SLC9B2: variants seen among roughly 807,000 people sequenced by gnomAD.
The protein encoded by SLC9B2 is sodium/hydrogen exchanger 9B2.
SLC9B2 carries 39 observed loss-of-function variants against 52.2 expected under a neutral mutation model. That is an observed-to-expected ratio of 0.75 (90% CI 0.58 to 0.98). The LOEUF is 0.98. SLC9B2 is among the 50% of genes least tolerant of loss of function. The pLI, the probability that SLC9B2 is intolerant of heterozygous loss-of-function variation, is 0.00. For synonymous variants in SLC9B2, 214 were observed against 227.0 expected (o/e 0.94, Z 0.51); for missense variants, 626 against 637.5 (o/e 0.98, Z 0.19).
Position 103,055,571 on chromosome 4 carries a change from TTAAC to T in SLC9B2, c.442+2226_442+2229del, listed in dbSNP as rs540969263. ...ATTCTACTTCTTTTTATATTTAACT[TTAAC>T]TACTGACCACAAGTTCAAAAGCAGA... On this transcript the variant is annotated intron_variant, in intron 4 of 11. Transcript: ENST00000394785. Among the ~76,000 whole-genome samples the T allele has an allele frequency of 4.4e-3, 670 of 152,178 alleles. 3 individuals are homozygous for T. Among genetic ancestry groups the T allele is most frequent in the African/African-American group, 0.015 (609 of 41,526 alleles).
intron 9 of SLC9B2, among the ~76,000 whole-genome samples, chr4:103,039,223 A>C (rs780561620): frequency 9.5e-4 from 145 of 152,322 alleles, no homozygotes; most frequent in Non-Finnish European, 2.0e-3. Flanking sequence ...TCTTAGTATG[A>C]TATCATGCTG....
Position 103,031,637 on chromosome 4 carries a change from T to C in SLC9B2, c.1255+63A>G. 3 of 1,212,360 alleles carry C rather than the reference T, an allele frequency of 2.5e-6. No homozygotes were observed. The East Asian group carries it at 7.1e-5, about 29-fold the overall frequency. 75.1% of individuals were successfully genotyped at this position (1,212,360 alleles called of 1,614,324 possible). On this transcript the variant is annotated intron_variant, in intron 10 of 11. Transcript: ENST00000394785. Reference sequence around the variant, plus strand: ...TTCAATGAATATAAAAAGTAGACTTTATTGGTGAGTAGGCTGACCAAAAAA... The same window carrying C: ...TTCAATGAATATAAAAAGTAGACTTCATTGGTGAGTAGGCTGACCAAAAAA...
chr4:103,048,134 A>G (rs773551638), intron 6 of SLC9B2, among the ~76,000 whole-genome samples: 12 of 152,210 alleles, frequency 7.9e-5, no homozygotes, highest in Admixed American at 2.0e-4. Flanking sequence ...TCACATTGAT[A>G]CCAGTAACAA....
In SLC9B2 at chr4:103,025,217, T is replaced by C. The variant is rs1025049952; in HGVS notation, c.*1153A>G. On this transcript the variant is annotated 3_prime_UTR_variant, in exon 12 of 12. Transcript: ENST00000394785. ...CTATACTTGCATTTTCCTTGAGAGA[T>C]AGAATGGAGATATGGTAGAGATCCA... Among the ~76,000 whole-genome samples the C allele has an allele frequency of 2.0e-5, 3 of 152,188 alleles. No homozygotes were observed. Among genetic ancestry groups the C allele is most frequent in the East Asian group, 1.9e-4 (1 of 5,198 alleles).
chr4:103,043,232 T>C, intron 9 of SLC9B2, 64 bp downstream of exon 9: 1 of 1,469,338 alleles, frequency 6.8e-7, no homozygotes. Context: ...AGAAAGTATC[T>C]GGAAAGCCAA....
intron 4 of SLC9B2, among the ~76,000 whole-genome samples, chr4:103,053,113 T>A (rs1744836080): frequency 6.6e-6 from 1 of 152,172 alleles, no homozygotes; most frequent in Admixed American, 6.5e-5. Flanking sequence ...AAGTTTTTTT[T>A]TTATTATTTG....
In SLC9B2 at chr4:103,025,136, A is replaced by G. The variant is rs1407933964; in HGVS notation, c.*1234T>C. Among the ~76,000 whole-genome samples the G allele has an allele frequency of 6.6e-6, 1 of 152,178 alleles. No individual in the cohort carries two copies. Among genetic ancestry groups the G allele is most frequent in the African/African-American group, 2.4e-5 (1 of 41,440 alleles). ...ACAGCCGGATATGATCAATACCAAT[A>G]AATGTAGGAAAAGAGATGTGTCCAA... On this transcript the variant is annotated 3_prime_UTR_variant, in exon 12 of 12. Coordinates refer to ENST00000394785, the MANE Select transcript of SLC9B2 (RefSeq NM_178833.7).
intron 9 of SLC9B2, among the ~76,000 whole-genome samples, 167 bp downstream of exon 9, chr4:103,043,129 G>T (rs1743778829): frequency 6.6e-6 from 1 of 151,982 alleles, no homozygotes; most frequent in Non-Finnish European, 1.5e-5. Flanking sequence ...AGATTGATGT[G>T]TAAGGGGAAA....
intron 6 of SLC9B2, 178 bp downstream of exon 6, chr4:103,048,715 A>T: frequency 2.9e-6 from 2 of 693,266 alleles, no homozygotes; most frequent in South Asian, 2.0e-5. Flanking sequence ...TGTAAGAGTT[A>T]GCGCCTATTA....
Position 103,026,458 on chromosome 4 carries a change from A to C in SLC9B2, c.1526T>G (p.Ile509Ser). ...CAGAAGCCTGGGGCCCAGTAAACCA[A>C]TAAGCAGACTTCCAATTGGGGCTGT... The part of the protein sequence containing the change: ...LITAPIGSLL[I>S]GLLGPRLLQK... Residue 509 changes from isoleucine to serine, a missense_variant, in exon 12 of 12, where the codon ATT (isoleucine) becomes AGT (serine). Coordinates refer to ENST00000394785, the MANE Select transcript of SLC9B2 (RefSeq NM_178833.7). The C allele has an allele frequency of 6.2e-7, 1 of 1,613,928 alleles. No individual in the cohort carries two copies. The highest frequency in any genetic ancestry group is 1.1e-5 in the South Asian group (1 of 91,072).
In SLC9B2 at chr4:103,048,994, A is replaced by G. The variant is rs747818158; in HGVS notation, c.612T>C (p.Cys204=). The change falls in exon 6 of 12, where the codon TGT becomes TGC. Residue 204 remains cysteine (C), a synonymous_variant. Transcript: ENST00000394785. ...TACAGGGACCCATGGACAGTCTTAC[A>G]CAAACGCCCTTTAACTTCTTCAGGG... ...SKALKKLKGV[C]VRLSMGPCIV... is the part of the protein sequence containing the mutation. 1 of 1,613,892 alleles carries G rather than the reference A, an allele frequency of 6.2e-7. No homozygotes were observed. Among genetic ancestry groups the G allele is most frequent in the Admixed American group, 1.7e-5 (1 of 60,006 alleles).
chr4:103,018,741 T>G (rs1215236840), downstream of SLC9B2, among the ~76,000 whole-genome samples: 3 of 152,166 alleles, frequency 2.0e-5, no homozygotes, highest in Non-Finnish European at 4.4e-5. Flanking sequence ...ACACAGTATG[T>G]GTGCAACTTT....
At chr4:103,063,400 G>A (rs555183373) in intron 3 of SLC9B2, among the ~76,000 whole-genome samples, 219 of 152,244 alleles carry the variant, frequency 1.4e-3, no homozygotes, top group African/African-American at 5.0e-3. Flanking sequence ...CATTGTCCCA[G>A]ATGATAATGG....
chr4:103,027,915 T>C (rs1304832982), intron 11 of SLC9B2, among the ~76,000 whole-genome samples: 5 of 152,164 alleles, frequency 3.3e-5, no homozygotes, highest in African/African-American at 7.2e-5. Context: ...GAAAAACACT[T>C]GATTTTAATT....
chr4:103,047,352 A>G, intron 6 of SLC9B2, 126 bp from the exon 7 acceptor site: 2 of 859,178 alleles, frequency 2.3e-6, no homozygotes, highest in South Asian at 2.4e-5. Flanking sequence ...TTTTTTCTAA[A>G]TTAAGAAAAC....
intron 3 of SLC9B2, among the ~76,000 whole-genome samples, chr4:103,060,506 G>GT (rs1226937999): frequency 2.4e-5 from 3 of 124,606 alleles, no homozygotes; most frequent in Non-Finnish European, 5.3e-5. Context: ...TTTGAAATCT[G>GT]TTTTTTTGTT....
chr4:103,071,270 C>T (rs534016870), intron 1 of SLC9B2, among the ~76,000 whole-genome samples: 8 of 151,852 alleles, frequency 5.3e-5, no homozygotes, highest in Non-Finnish European at 1.0e-4. Context: ...GTGGCATGAT[C>T]TTGGCTCACT....
At chr4:103,059,890 G>C (rs4698877) in intron 3 of SLC9B2, among the ~76,000 whole-genome samples, 5 of 152,120 alleles carry the variant, frequency 3.3e-5, no homozygotes, top group Non-Finnish European at 7.4e-5. Flanking sequence ...CATTCTTAAA[G>C]GATAGTTTTT....
At chr4:103,064,732 A>C (rs1056946492) in intron 3 of SLC9B2, among the ~76,000 whole-genome samples, 1 of 152,214 alleles carries the variant, frequency 6.6e-6, no homozygotes, top group African/African-American at 2.4e-5. Flanking sequence ...ATGTATTGAA[A>C]CATCATATTG....
Sources: gnomAD v4.1 joint callset for allele counts (sites outside exome capture counted in the v4.1 genomes callset) on GRCh38, gnomAD v4.1.1 for gene constraint, MANE v1.5 for transcripts, NCBI Gene and HGNC (gene_info 2026-07-23, HGNC 2026-07-21) for gene names.